Variants in TXNRD2 observed in about 807,000 individuals in gnomAD.
TXNRD2 encodes thioredoxin reductase 2.
A neutral mutation model predicts 70.8 loss-of-function variants in TXNRD2; 67 were observed. The observed-to-expected ratio is 0.95, with a 90% CI of 0.78 to 1.16. The LOEUF (loss-of-function observed/expected upper bound fraction) is 1.16. TXNRD2 is among the 50% of genes most tolerant of loss of function. The pLI, the probability that TXNRD2 is intolerant of heterozygous loss-of-function variation, is 0.00. For synonymous variants in TXNRD2, 301 were observed against 295.8 expected (o/e 1.02, Z -0.18); for missense variants, 644 against 719.9 (o/e 0.89, Z 1.21).
intron 5 of TXNRD2, 33 bp from the exon 6 acceptor site, chr22:19,915,876 C>T (rs377576564): frequency 1.3e-6 from 2 of 1,593,014 alleles, no homozygotes; most frequent in African/African-American, 1.3e-5. Flanking sequence ...TCAAACACTT[C>T]CTCTGCAAAT....
intron 2 of TXNRD2, among the ~76,000 whole-genome samples, chr22:19,928,655 A>C (rs1941243289): frequency 6.6e-6 from 1 of 152,184 alleles, no homozygotes; most frequent in Non-Finnish European, 1.5e-5. Context: ...CCTATGTGGA[A>C]GCCCTAAACC....
chr22:19,937,088 C>T (rs1010415716), intron 1 of TXNRD2, among the ~76,000 whole-genome samples: 2 of 152,178 alleles, frequency 1.3e-5, no homozygotes, highest in South Asian at 2.1e-4. Flanking sequence ...CTATAGACTG[C>T]GACCTTTTGG....
chr22:19,919,234 T>C (rs1038000050), intron 3 of TXNRD2, among the ~76,000 whole-genome samples: 104 of 143,710 alleles, frequency 7.2e-4, no homozygotes, highest in Middle Eastern at 3.7e-3. Flanking sequence ...TTGCTCTTGT[T>C]ACCCAGGCTG....
In TXNRD2 at chr22:19,880,260, G is replaced by A. The variant is rs372301925; in HGVS notation, c.1194C>T (p.Thr398=). 3.3e-5 allele frequency: 53 copies of A among 1,613,598 alleles called. No individual in the cohort carries two copies. Among genetic ancestry groups the A allele is most frequent in the South Asian group, 5.5e-5 (5 of 91,080 alleles). ...DLMDYDNVPT[T]VFTPLEYGCV... ...AGCCATACTCCAGCGGGGTGAAGAC[G>A]GTCGTGGGAACCTGAAAGCAGGTCT... The change falls in exon 14 of 18, where the codon ACC becomes ACT. Residue 398 remains threonine (T), a synonymous_variant. Coordinates refer to ENST00000400521, the MANE Select transcript of TXNRD2 (RefSeq NM_006440.5).
At chr22:19,904,618 C>A (rs576636076) in intron 8 of TXNRD2, among the ~76,000 whole-genome samples, 6 of 152,354 alleles carry the variant, frequency 3.9e-5, no homozygotes, top group African/African-American at 1.2e-4. Flanking sequence ...CACAGACGTG[C>A]GCTGAAAGGA....
chr22:19,879,664 AC>A (rs1938670768), intron 14 of TXNRD2, among the ~76,000 whole-genome samples: 1 of 151,436 alleles, frequency 6.6e-6, no homozygotes, highest in Non-Finnish European at 1.5e-5. Context: ...CCTGGGAGAA[AC>A]TTTTCTGGGT....
At chr22:19,903,077 G>A in intron 8 of TXNRD2, 1 of 517,464 alleles carries the variant, frequency 1.9e-6, no homozygotes, top group Middle Eastern at 3.3e-4. Flanking sequence ...GCAGGCTGGT[G>A]GAGCAGCCTC....
At position 19,918,877 on chromosome 22, in the gene TXNRD2, C is replaced by T. The variant is rs1171233068; in HGVS notation, c.357G>A (p.Gln119=). ...DAPNYGWEVA[Q]PVPHDWRKMA... ...ATCCTTACCAGTCATGCGGCACGGG[C>T]TGGGCCACCTCCCAGCCATAGTTGG... Residue 119 remains glutamine, a synonymous_variant, in exon 4 of 18, where the codon CAG becomes CAA. Coordinates refer to ENST00000400521, the MANE Select transcript of TXNRD2 (RefSeq NM_006440.5). The T allele has an allele frequency of 6.2e-7, 1 of 1,610,188 alleles. No homozygotes were observed. Among genetic ancestry groups the T allele is most frequent in the Admixed American group, 1.7e-5 (1 of 60,014 alleles).
intron 11 of TXNRD2, among the ~76,000 whole-genome samples, chr22:19,891,222 C>A (rs887834891): frequency 1.3e-5 from 2 of 152,210 alleles, no homozygotes; most frequent in African/African-American, 4.8e-5. Flanking sequence ...GTCTCACCTG[C>A]CATATCACAA....
intron 2 of TXNRD2, among the ~76,000 whole-genome samples, chr22:19,924,364 A>AC (rs977950194): frequency 1.3e-5 from 2 of 150,774 alleles, no homozygotes; most frequent in South Asian, 2.1e-4. Context: ...AGATTCCACC[A>AC]CCCCCCGCAC....
intron 14 of TXNRD2, 83 bp from the exon 15 acceptor site, chr22:19,878,520 A>C: frequency 8.0e-7 from 1 of 1,257,578 alleles, no homozygotes; most frequent in Non-Finnish European, 1.2e-6. Context: ...CTGCATGGGC[A>C]AGGCAGGGTC....
intron 2 of TXNRD2, among the ~76,000 whole-genome samples, chr22:19,919,890 C>T (rs985768378): frequency 6.6e-6 from 1 of 152,106 alleles, no homozygotes; most frequent in East Asian, 1.9e-4. Context: ...TCTCAGGGCC[C>T]GCAGCCTTTG....
At chr22:19,918,084 C>T in intron 5 of TXNRD2, 59 bp downstream of exon 5, 3 of 1,437,692 alleles carry the variant, frequency 2.1e-6, no homozygotes, top group Non-Finnish European at 2.9e-6. Context: ...TGTGTCCAGG[C>T]ACAGAACGCC....
rs368172149 is a variant in TXNRD2 at position 19,919,013 on chromosome 22, T to C, written c.230-9A>G. On this transcript the variant is annotated splice_polypyrimidine_tract_variant and intron_variant, in intron 3 of 17. Coordinates refer to ENST00000400521, the MANE Select transcript of TXNRD2 (RefSeq NM_006440.5). ...GAGGCCCCACCGGGTGCCTGGGACGTGGGAAGAGCACATTTGAATTTATGT... is the reference window on the plus strand; with the variant it reads ...GAGGCCCCACCGGGTGCCTGGGACGCGGGAAGAGCACATTTGAATTTATGT... 4.4e-6 allele frequency: 7 copies of C among 1,606,600 alleles called. No individual in the cohort carries two copies. The African/African-American group carries it at 6.7e-5, about 15-fold the overall frequency.
At chr22:19,883,121 A>T (rs1202483051) in intron 12 of TXNRD2, among the ~76,000 whole-genome samples, 1 of 152,222 alleles carries the variant, frequency 6.6e-6, no homozygotes, top group Non-Finnish European at 1.5e-5. Context: ...CACCACAGAA[A>T]GGAAAGGAAA....
At chr22:19,932,581 TCC>T in intron 1 of TXNRD2, 2 of 1,454,720 alleles carry the variant, frequency 1.4e-6, no homozygotes, top group Non-Finnish European at 1.8e-6. Context: ...ACCAGCCAAC[TCC>T]CTGCTGAAGG....
At chr22:19,921,423 A>G (rs1288636351) in intron 2 of TXNRD2, among the ~76,000 whole-genome samples, 1 of 151,694 alleles carries the variant, frequency 6.6e-6, no homozygotes, top group Non-Finnish European at 1.5e-5. Flanking sequence ...TCAAAAAAAA[A>G]AAAAAAAAAA....
At chr22:19,931,960 A>G (rs1267565177) in intron 1 of TXNRD2, among the ~76,000 whole-genome samples, 1 of 151,918 alleles carries the variant, frequency 6.6e-6, no homozygotes, top group African/African-American at 2.4e-5. Context: ...GGAGATCGAG[A>G]CCATCCTGGC....
At chr22:19,899,096 T>G (rs1490895520) in intron 8 of TXNRD2, 28 bp from the exon 9 acceptor site, 3 of 1,606,842 alleles carry the variant, frequency 1.9e-6, no homozygotes, top group Non-Finnish European at 2.5e-6. Flanking sequence ...AGAGAGCACA[T>G]GTAAAGCTGA....
Sources: gnomAD v4.1 joint callset for allele counts (sites outside exome capture counted in the v4.1 genomes callset) on GRCh38, gnomAD v4.1.1 for gene constraint, MANE v1.5 for transcripts, NCBI Gene and HGNC (gene_info 2026-07-23, HGNC 2026-07-21) for gene names.